SMARCB1: variants seen among roughly 807,000 people sequenced by gnomAD.
SMARCB1 encodes the protein SWI/SNF-related matrix-associated actin-dependent regulator of chromatin subfamily B member 1.
A neutral mutation model predicts 49.0 loss-of-function variants in SMARCB1; 5 were observed. The ratio of observed to expected loss-of-function variants is 0.10; its 90% confidence interval spans 0.05 to 0.21. The LOEUF (loss-of-function observed/expected upper bound fraction) is 0.21. SMARCB1 is among the 10% of genes least tolerant of loss of function. SMARCB1 has a pLI of 1.00. For missense variants in SMARCB1, 226 were observed against 509.2 expected (o/e 0.44, Z 5.35); for synonymous variants, 201 against 200.1 (o/e 1.00, Z -0.04).
At chr22:23,830,332 C>T (rs560823104) in intron 7 of SMARCB1, among the ~76,000 whole-genome samples, 5 of 152,236 alleles carry the variant, frequency 3.3e-5, no homozygotes, top group Admixed American at 2.6e-4. Flanking sequence ...TCTTTTTGAT[C>T]GTAGCCGTCT....
chr22:23,803,780 T>G, intron 5 of SMARCB1: 1 of 377,364 alleles, frequency 2.6e-6, no homozygotes. Context: ...CCACTCTGCT[T>G]CTGCTGTGTG....
Position 23,786,972 on chromosome 22 carries a change from G to T in SMARCB1, c.-198G>T, listed in dbSNP as rs1300597769. On this transcript the variant is annotated 5_prime_UTR_variant, in exon 1 of 9. Transcript: ENST00000644036. Reference sequence around the variant, plus strand: ...CGCGCGCGTCAGCGTCAACGCCAGCGCCTGCGCACTGAGGGCGGCCTGGTC... The same window carrying T: ...CGCGCGCGTCAGCGTCAACGCCAGCTCCTGCGCACTGAGGGCGGCCTGGTC... 9 of 478,948 alleles carry T rather than the reference G, an allele frequency of 1.9e-5. No homozygotes were observed. In the South Asian group the frequency reaches 2.8e-4, roughly 15 times the overall value. The allele number at this position is 478,948 out of a possible 1,614,324, so 29.7% of individuals were successfully genotyped here.
chr22:23,797,099 C>T (rs935212490), intron 3 of SMARCB1, among the ~76,000 whole-genome samples: 7 of 145,756 alleles, frequency 4.8e-5, no homozygotes, highest in African/African-American at 1.3e-4. Context: ...CTGGGGTTCA[C>T]GCCATTCTCC....
chr22:23,810,260 C>T (rs1371513069), intron 5 of SMARCB1, among the ~76,000 whole-genome samples: 2 of 151,300 alleles, frequency 1.3e-5, no homozygotes, highest in Non-Finnish European at 2.9e-5. Flanking sequence ...GGCATGGTGG[C>T]TCCCACCTGT....
At chr22:23,811,924 A>G (rs770031890) in intron 5 of SMARCB1, among the ~76,000 whole-genome samples, 26 of 152,244 alleles carry the variant, frequency 1.7e-4, no homozygotes, top group Non-Finnish European at 2.9e-4. Flanking sequence ...TAAAACTGGC[A>G]ATCTCTAGCA....
At chr22:23,817,056 G>T (rs954539659) in intron 6 of SMARCB1, 120 bp downstream of exon 6, 4 of 808,258 alleles carry the variant, frequency 4.9e-6, no homozygotes, top group Non-Finnish European at 8.3e-6. Flanking sequence ...CATATCATCT[G>T]GAAAGTCATA....
At position 23,824,830 on chromosome 22, in the gene SMARCB1, G is replaced by A. The variant is rs2030290798; in HGVS notation, c.796-395G>A. 1.2e-5 allele frequency: 4 copies of A among 325,294 alleles called. No homozygotes were observed. The East Asian group carries it at 2.1e-4, about 17-fold the overall frequency. The allele number at this position is 325,294 out of a possible 1,614,324, so 20.2% of individuals were successfully genotyped here. A position where few individuals can be genotyped will look rare whatever the true frequency, so the allele number is the denominator to read the frequency against. On this transcript the variant is annotated intron_variant, in intron 6 of 8. Transcript: ENST00000644036. ...GGGCATAGACATTGGCTCAAGACAG[G>A]GCTTAGGGATGCCTTAGCTGAGCCC...
chr22:23,832,547 G>C (rs1315591584), intron 7 of SMARCB1, among the ~76,000 whole-genome samples: 1 of 152,222 alleles, frequency 6.6e-6, no homozygotes, highest in Admixed American at 6.5e-5. Context: ...ACCACAGAGA[G>C]GGGAGGGGAA....
chr22:23,820,765 G>A (rs927238845), intron 6 of SMARCB1, among the ~76,000 whole-genome samples: 2 of 152,192 alleles, frequency 1.3e-5, no homozygotes, highest in Non-Finnish European at 1.5e-5. Flanking sequence ...GGAGAGAAGT[G>A]GGGTGGGGAT....
At chr22:23,814,223 G>A (rs1370341268) in intron 5 of SMARCB1, among the ~76,000 whole-genome samples, 4 of 152,176 alleles carry the variant, frequency 2.6e-5, no homozygotes, top group Admixed American at 1.3e-4. Context: ...TGTGGTATTG[G>A]TGGAGTGACA....
chr22:23,822,080 C>T (rs987633583), intron 6 of SMARCB1, among the ~76,000 whole-genome samples: 24 of 152,308 alleles, frequency 1.6e-4, no homozygotes, highest in African/African-American at 5.3e-4. Context: ...ATCTTTGGAG[C>T]CATGGCACAT....
At position 23,836,446 on chromosome 22, in the gene SMARCB1, G is replaced by A. The variant is rs370457454; in HGVS notation, c.*2266G>A. ...CAGCCGAAATCTGGTGAACTTCCCC[G>A]CTGACTGGCAGGTAGCAGAGGCCTA... On this transcript the variant is annotated 3_prime_UTR_variant, in exon 9 of 9. Transcript: ENST00000644036. The A allele has an allele frequency of 7.8e-4, 768 of 990,756 alleles. 2 individuals carry two copies. In the African/African-American group the frequency reaches 0.013, roughly 16 times the overall value. 61.4% of individuals were successfully genotyped at this position (990,756 alleles called of 1,614,324 possible).
intron 5 of SMARCB1, among the ~76,000 whole-genome samples, chr22:23,813,102 T>G (rs1361160926): frequency 6.6e-6 from 1 of 152,168 alleles, no homozygotes; most frequent in African/African-American, 2.4e-5. Flanking sequence ...CCTGACCATG[T>G]GATCCACCCG....
At position 23,837,449 on chromosome 22, in the gene SMARCB1, T is replaced by G. The variant is rs2031161095; in HGVS notation, c.*3269T>G. The G allele has an allele frequency of 9.2e-6, 6 of 654,540 alleles. No individual in the cohort carries two copies. The highest frequency in any genetic ancestry group is 1.6e-5 in the Non-Finnish European group (6 of 385,198). 40.5% of individuals were successfully genotyped at this position (654,540 alleles called of 1,614,324 possible). On this transcript the variant is annotated 3_prime_UTR_variant, in exon 9 of 9. Coordinates refer to ENST00000644036, the MANE Select transcript of SMARCB1 (RefSeq NM_003073.5). ...CACTCCCATCAGGACCGTGCAAGCATCAGTAGATCCGTCCTGACGATGCAA... is the reference window on the plus strand; with the variant it reads ...CACTCCCATCAGGACCGTGCAAGCAGCAGTAGATCCGTCCTGACGATGCAA...
intron 3 of SMARCB1, among the ~76,000 whole-genome samples, chr22:23,795,789 C>CTTT (rs1237100249): frequency 2.2e-5 from 3 of 133,958 alleles, no homozygotes; most frequent in East Asian, 2.1e-4. Context: ...GCTGGAGGTG[C>CTTT]TTTTTTTTTT....
At chr22:23,817,700 C>A (rs1227404715) in intron 6 of SMARCB1, 1 of 152,206 alleles carries the variant, frequency 6.6e-6, no homozygotes, top group Non-Finnish European at 1.5e-5. Context: ...GCCCCGTGCA[C>A]CAGATGGAGC....
At chr22:23,793,362 A>G (rs1003886382) in intron 2 of SMARCB1, 197 bp from the exon 3 acceptor site, 11 of 697,802 alleles carry the variant, frequency 1.6e-5, no homozygotes, top group Non-Finnish European at 2.1e-5. Flanking sequence ...TGGAGGCTCT[A>G]CCCAGCAGGA....
intron 7 of SMARCB1, among the ~76,000 whole-genome samples, chr22:23,827,332 C>T (rs2030435331): frequency 6.6e-6 from 1 of 152,200 alleles, no homozygotes; most frequent in African/African-American, 2.4e-5. Flanking sequence ...TCCCTTCTTT[C>T]AGCCACCATG....
At position 23,826,507 on chromosome 22, in the gene SMARCB1, C is replaced by G. The variant is rs776520753; in HGVS notation, c.986+1092C>G. 3.9e-5 allele frequency among the ~76,000 whole-genome samples: 6 copies of G among 152,036 alleles called. No homozygotes were observed. The South Asian group carries it at 8.3e-4, about 21-fold the overall frequency. ...ACTGGGAAGCCCCGTGGTTCCTCAC[C>G]CTGTCCTCTGTGTTGGGATGGGGTG... On this transcript the variant is annotated intron_variant, in intron 7 of 8. Coordinates refer to ENST00000644036, the MANE Select transcript of SMARCB1 (RefSeq NM_003073.5).
Sources: gnomAD v4.1 joint callset for allele counts (sites outside exome capture counted in the v4.1 genomes callset) on GRCh38, gnomAD v4.1.1 for gene constraint, MANE v1.5 for transcripts, NCBI Gene and HGNC (gene_info 2026-07-23, HGNC 2026-07-21) for gene names.